SYMPK: variants seen among roughly 807,000 people sequenced by gnomAD.
SYMPK encodes the protein symplekin.
A neutral mutation model predicts 136.4 loss-of-function variants in SYMPK; 49 were observed. The ratio of observed to expected loss-of-function variants is 0.36; its 90% CI spans 0.29 to 0.46. The LOEUF is 0.46. Among genes scored for constraint, SYMPK ranks in the 20% least tolerant of loss-of-function variants. SYMPK has a pLI of 1.00. For synonymous variants in SYMPK, 766 were observed against 713.0 expected (o/e 1.07, Z -1.19); for missense variants, 1,365 against 1,690.0 (o/e 0.81, Z 3.37).
chr19:45,834,984 C>T (rs1971270341), intron 11 of SYMPK, 94 bp downstream of exon 11: 2 of 1,257,200 alleles, frequency 1.6e-6, no homozygotes, highest in African/African-American at 3.0e-5. Flanking sequence ...ACATGATTTT[C>T]AACTGCACCA....
intron 18 of SYMPK, among the ~76,000 whole-genome samples, chr19:45,824,922 G>T (rs918777044): frequency 2.6e-5 from 4 of 152,214 alleles, no homozygotes; most frequent in Admixed American, 1.3e-4. Context: ...GCCCAAGGTC[G>T]CAGTGAGAAA....
At chr19:45,823,918 T>C in intron 18 of SYMPK, 43 bp from the exon 19 acceptor site, 2 of 1,552,628 alleles carry the variant, frequency 1.3e-6, no homozygotes, top group Non-Finnish European at 1.8e-6. Context: ...GGTGAGAGCT[T>C]AGGGGAGGGT....
intron 1 of SYMPK, among the ~76,000 whole-genome samples, chr19:45,860,477 A>G (rs114751521): frequency 0.058 from 4,204 of 72,494 alleles, 200 homozygotes; most frequent in African/African-American, 0.19. Context: ...AAAAAAAAGA[A>G]AAAAAACCCA....
chr19:45,836,920 C>G (rs773651699), intron 10 of SYMPK, among the ~76,000 whole-genome samples: 2 of 152,082 alleles, frequency 1.3e-5, no homozygotes, highest in African/African-American at 2.4e-5. Context: ...GATAATGAAA[C>G]TGCTATAAAT....
At chr19:45,818,912 T>C (rs1312914755) in intron 22 of SYMPK, 1 of 151,790 alleles carries the variant, frequency 6.6e-6, no homozygotes, top group Admixed American at 6.6e-5. Context: ...GCCATGTGAG[T>C]GTCAACCAGG....
At chr19:45,831,634 T>A (rs754206329) in intron 11 of SYMPK, 46 bp from the exon 12 acceptor site, 38 of 1,494,252 alleles carry the variant, frequency 2.5e-5, no homozygotes, top group Non-Finnish European at 3.2e-5. Context: ...CAGACCCACC[T>A]GCTCCAACCC....
chr19:45,816,399 G>A, intron 25 of SYMPK, 83 bp downstream of exon 25: 1 of 1,504,626 alleles, frequency 6.6e-7, no homozygotes, highest in Admixed American at 2.2e-5. Flanking sequence ...TCGGGGTCAG[G>A]AGGAGGCCAT....
In SYMPK at chr19:45,821,471, C is replaced by G; in HGVS notation, c.2806G>C (p.Ala936Pro). 6.2e-7 allele frequency: 1 copy of G among 1,613,798 alleles called. No individual in the cohort carries two copies. Among genetic ancestry groups the G allele is most frequent in the Non-Finnish European group, 8.5e-7 (1 of 1,179,796 alleles). ...TCTCCAGGGTTCAGCGGGGACAAGG[C>G]TGAGTTTCCCTCACCTGCAGCAGGC... is the stretch of plus-strand genomic sequence containing the variant. ...LGTQHGEGNS[A>P]LSPLNPGELL... The change falls in exon 22 of 27, where the codon GCC becomes CCC. Residue 936 changes from alanine (A) to proline (P), a missense_variant. Ala to Pro is a conservative substitution (Grantham distance 27). Coordinates refer to ENST00000245934, the MANE Select transcript of SYMPK (RefSeq NM_004819.3). This position sits in a 1 kb window ranked among gnomAD's most constrained non-coding sequence, Gnocchi z 4.4.
intron 12 of SYMPK, 81 bp downstream of exon 12, chr19:45,831,303 A>C: frequency 1.7e-6 from 2 of 1,179,620 alleles, no homozygotes; most frequent in Non-Finnish European, 2.3e-6. Context: ...ACGCACACGC[A>C]CACGCACACG....
intron 7 of SYMPK, 118 bp from the exon 8 acceptor site, chr19:45,844,318 G>A (rs1266765480): frequency 1.3e-5 from 10 of 746,698 alleles, no homozygotes; most frequent in Middle Eastern, 4.1e-4. Context: ...TATGAATGGC[G>A]GGAAAAACAG....
rs778372070 is a variant in SYMPK, at chr19:45,848,733, G to A, written c.426+17C>T. ...CATATCAGGCAGGATGGCCCTGGGTGGGGAGGGCGCTCTCACCTGCAGGGC... is the reference window on the plus strand; with the variant it reads ...CATATCAGGCAGGATGGCCCTGGGTAGGGAGGGCGCTCTCACCTGCAGGGC... On this transcript the variant is annotated intron_variant, in intron 6 of 26. Coordinates refer to ENST00000245934, the MANE Select transcript of SYMPK (RefSeq NM_004819.3). The A allele has an allele frequency of 6.2e-7, 1 of 1,613,064 alleles. No homozygotes were observed. Among genetic ancestry groups the A allele is most frequent in the Admixed American group, 1.7e-5 (1 of 60,012 alleles).
intron 1 of SYMPK, among the ~76,000 whole-genome samples, chr19:45,862,326 C>T (rs1396631382): frequency 6.6e-6 from 1 of 152,148 alleles, no homozygotes; most frequent in Non-Finnish European, 1.5e-5. Flanking sequence ...AGAAGTGGTA[C>T]CCTGCCCCAC....
intron 18 of SYMPK, 136 bp downstream of exon 18, chr19:45,825,035 A>G: frequency 1.8e-6 from 2 of 1,095,930 alleles, no homozygotes; most frequent in Non-Finnish European, 2.6e-6. Flanking sequence ...TGCAAGCTAC[A>G]CAGCCTGGGT....
intron 20 of SYMPK, 32 bp from the exon 21 acceptor site, chr19:45,822,878 G>T: frequency 6.5e-7 from 1 of 1,533,944 alleles, no homozygotes; most frequent in Non-Finnish European, 9.0e-7. Context: ...GGTGGGAGTT[G>T]AGTCACATAC....
chr19:45,837,713 G>A (rs1222260755), intron 10 of SYMPK, among the ~76,000 whole-genome samples: 4 of 151,830 alleles, frequency 2.6e-5, no homozygotes, highest in Non-Finnish European at 5.9e-5. Context: ...GAAGGAAGTT[G>A]GAGCCAGGTA....
chr19:45,861,081 C>T lies in SYMPK; in HGVS notation c.-13+1977G>A, dbSNP rs1399269338. Among the ~76,000 whole-genome samples, 3 of 152,098 alleles carry T rather than the reference C, an allele frequency of 2.0e-5. No individual in the cohort carries two copies. The South Asian group carries it at 6.2e-4, about 32-fold the overall frequency. ...CCACCAGACAACCGGCATGGCATGC[C>T]GTCCCCAGTCAAAACATAAAAAAAA... On this transcript the variant is annotated intron_variant, in intron 1 of 26. Transcript: ENST00000245934.
chr19:45,844,249 C>T (rs1436322344), intron 7 of SYMPK, 49 bp from the exon 8 acceptor site: 4 of 1,455,416 alleles, frequency 2.7e-6, no homozygotes, highest in African/African-American at 2.9e-5. Flanking sequence ...TTTCCCAGGC[C>T]TCTGGAGACA....
chr19:45,856,599 T>C (rs1179636837), intron 1 of SYMPK, among the ~76,000 whole-genome samples: 1 of 152,152 alleles, frequency 6.6e-6, no homozygotes, highest in Non-Finnish European at 1.5e-5. Flanking sequence ...ATTGGCTAAG[T>C]ATACTATTAT....
At chr19:45,836,621 ACT>A (rs1971307474) in intron 10 of SYMPK, among the ~76,000 whole-genome samples, 1 of 150,918 alleles carries the variant, frequency 6.6e-6, no homozygotes, top group South Asian at 2.1e-4. Flanking sequence ...ACAGAGCAAG[ACT>A]CTGTCTCAAA....
Sources: gnomAD v4.1 joint callset for allele counts (sites outside exome capture counted in the v4.1 genomes callset) on GRCh38, gnomAD v4.1.1 for gene constraint, Gnocchi (gnomAD v3.1) non-coding constraint, MANE v1.5 for transcripts, NCBI Gene and HGNC (gene_info 2026-07-23, HGNC 2026-07-21) for gene names.